The following NRXN3 variants were observed in gnomAD, a reference collection of about 807,000 sequenced individuals.
The protein encoded by NRXN3 is neurexin 3, also known as neurexin III.
A neutral mutation model predicts 137.6 loss-of-function variants in NRXN3; 32 were observed. The ratio of observed to expected loss-of-function variants is 0.23; its 90% CI spans 0.18 to 0.31. The LOEUF is 0.31. Among genes scored for constraint, NRXN3 ranks in the 10% least tolerant of loss-of-function variants. The probability of loss-of-function intolerance (pLI) is 1.00; values close to 1 mark genes in which losing one functional copy is unlikely to be tolerated. For synonymous variants in NRXN3, 798 were observed against 784.5 expected (o/e 1.02, Z -0.29); for missense variants, 1,574 against 2,062.5 (o/e 0.76, Z 4.59).
chr14:79,556,706 C>T (rs975801169), intron 16 of NRXN3, among the ~76,000 whole-genome samples: 1 of 152,152 alleles, frequency 6.6e-6, no homozygotes, highest in Non-Finnish European at 1.5e-5. Context: ...CAGGCATGCA[C>T]CATCACACCT....
Position 79,272,157 on chromosome 14 carries a change from C to T in NRXN3, c.3263-195064C>T, listed in dbSNP as rs574109663. Among the ~76,000 whole-genome samples, 4 of 150,584 alleles carry T rather than the reference C, an allele frequency of 2.7e-5. No homozygotes were observed. In the East Asian group the frequency reaches 7.8e-4, roughly 29 times the overall value. On this transcript the variant is annotated intron_variant, in intron 15 of 20. Coordinates refer to ENST00000335750, the MANE Select transcript of NRXN3 (RefSeq NM_001330195.2). ...TATACCTTTGTTCTAGCACTTATCA[C>T]ATTGTATTTGGGAAGCAGTGTATTT...
At chr14:79,321,705 C>T (rs2090052930) in intron 15 of NRXN3, among the ~76,000 whole-genome samples, 1 of 150,900 alleles carries the variant, frequency 6.6e-6, no homozygotes, top group Admixed American at 6.6e-5. Context: ...CAAAAAAAAT[C>T]CTTGCTAATG....
At chr14:78,459,786 A>C (rs991790567) in intron 4 of NRXN3, among the ~76,000 whole-genome samples, 8 of 152,212 alleles carry the variant, frequency 5.3e-5, no homozygotes, top group Non-Finnish European at 1.2e-4. Context: ...CCTGGCCGTC[A>C]AAATGTGTGA....
intron 20 of NRXN3, among the ~76,000 whole-genome samples, chr14:79,821,350 C>T (rs2223033): frequency 0.3 from 45,306 of 152,002 alleles, 7,392 homozygotes; most frequent in Admixed American, 0.42. Context: ...AGCTGCATAA[C>T]ATGAATAGAT....
At chr14:78,896,052 C>T (rs944389916) in intron 10 of NRXN3, among the ~76,000 whole-genome samples, 2 of 151,882 alleles carry the variant, frequency 1.3e-5, no homozygotes, top group African/African-American at 4.8e-5. Flanking sequence ...ATGAATCAGG[C>T]ACATGCAGTT....
intron 16 of NRXN3, among the ~76,000 whole-genome samples, chr14:79,593,743 A>G (rs1300429366): frequency 6.6e-6 from 1 of 152,100 alleles, no homozygotes; most frequent in Non-Finnish European, 1.5e-5. Context: ...AGAATTATTT[A>G]TGGTAGCAAA....
chr14:79,299,805 G>A (rs2084827329), intron 15 of NRXN3, among the ~76,000 whole-genome samples: 3 of 151,986 alleles, frequency 2.0e-5, no homozygotes, highest in Admixed American at 1.3e-4. Context: ...GACTTAACCA[G>A]GGTTACAGGA....
chr14:78,678,114 A>G (rs1008807873), intron 6 of NRXN3, among the ~76,000 whole-genome samples: 3 of 152,122 alleles, frequency 2.0e-5, no homozygotes, highest in Admixed American at 2.0e-4. Flanking sequence ...AACCCACAAT[A>G]TTAATATTTT....
chr14:79,535,569 A>G lies in NRXN3; in HGVS notation c.3444+68167A>G, dbSNP rs2097203886. Among the ~76,000 whole-genome samples the G allele has an allele frequency of 2.6e-5, 4 of 152,222 alleles. No homozygotes were observed. The South Asian group carries it at 8.3e-4, about 32-fold the overall frequency. ...TTATTTTGGATTTCCAGTAGCAGGC[A>G]TTCTACCTTTTTGTAATAAATTATA... On this transcript the variant is annotated intron_variant, in intron 16 of 20. Transcript: ENST00000335750.
chr14:78,653,422 C>G (rs1283853559), intron 6 of NRXN3, among the ~76,000 whole-genome samples: 1 of 152,168 alleles, frequency 6.6e-6, no homozygotes, highest in Non-Finnish European at 1.5e-5. Context: ...ATGAATGAGG[C>G]ATTGGTTGCT....
chr14:79,709,205 T>C (rs943686981), intron 19 of NRXN3, among the ~76,000 whole-genome samples: 1 of 152,154 alleles, frequency 6.6e-6, no homozygotes, highest in Non-Finnish European at 1.5e-5. Flanking sequence ...CTATAGAGTA[T>C]AGAGCAAGGC....
At chr14:79,187,660 C>CAAAAAAAAAAAA (rs1272684800) in intron 15 of NRXN3, among the ~76,000 whole-genome samples, 2 of 20,298 alleles carry the variant, frequency 9.9e-5, no homozygotes, top group African/African-American at 3.6e-4. Flanking sequence ...GACTCCGTCT[C>CAAAAAAAAAAAA]AAAAAAAAAA....
At chr14:79,303,074 A>G (rs2085416499) in intron 15 of NRXN3, among the ~76,000 whole-genome samples, 1 of 151,986 alleles carries the variant, frequency 6.6e-6, no homozygotes, top group Non-Finnish European at 1.5e-5. Flanking sequence ...TTACCCAACA[A>G]CACACAGCTT....
intron 6 of NRXN3, among the ~76,000 whole-genome samples, chr14:78,685,921 T>C (rs2098121846): frequency 6.6e-6 from 1 of 151,998 alleles, no homozygotes; most frequent in Non-Finnish European, 1.5e-5. Flanking sequence ...AGTGCTGGGA[T>C]TACAGGCGTG....
chr14:79,513,652 G>A (rs1421664899), intron 16 of NRXN3, among the ~76,000 whole-genome samples: 3 of 152,214 alleles, frequency 2.0e-5, no homozygotes, highest in East Asian at 1.9e-4. Flanking sequence ...TGTCAGGAGA[G>A]TGGATGGCAG....
intron 15 of NRXN3, among the ~76,000 whole-genome samples, chr14:79,070,916 C>T (rs2099686815): frequency 6.6e-6 from 1 of 152,104 alleles, no homozygotes; most frequent in African/African-American, 2.4e-5. Flanking sequence ...ATGGAGCAAA[C>T]ATGTAGTTTG....
chr14:79,711,212 G>A (rs1444532214), intron 19 of NRXN3, among the ~76,000 whole-genome samples: 1 of 152,112 alleles, frequency 6.6e-6, no homozygotes, highest in Non-Finnish European at 1.5e-5. Flanking sequence ...GTGTTGGTTT[G>A]AGATTATAGT....
chr14:79,321,239 G>A (rs1002317802), intron 15 of NRXN3, among the ~76,000 whole-genome samples: 16 of 151,952 alleles, frequency 1.1e-4, no homozygotes, highest in African/African-American at 3.1e-4. Context: ...TCCAGTGAAA[G>A]GTAAAAAATG....
intron 15 of NRXN3, among the ~76,000 whole-genome samples, chr14:78,995,510 G>A (rs948845859): frequency 1.3e-5 from 2 of 152,104 alleles, no homozygotes; most frequent in Admixed American, 6.6e-5. Flanking sequence ...TGCTTCTAAA[G>A]TGCAGATATT....
Sources: allele counts gnomAD v4.1 joint callset (sites outside exome capture counted in the v4.1 genomes callset), GRCh38; gene constraint gnomAD v4.1.1; transcripts MANE v1.5; gene names NCBI Gene and HGNC (gene_info 2026-07-23, HGNC 2026-07-21).